The following PBX1 variants were observed in gnomAD, a reference collection of about 807,000 sequenced individuals.
The protein encoded by PBX1 is pre-B-cell leukemia transcription factor 1.
Under a neutral mutation model 53.4 loss-of-function variants are expected in PBX1, and 6 were observed. The observed-to-expected ratio is 0.11, with a 90% confidence interval of 0.06 to 0.22. The LOEUF is 0.22. Ranked by LOEUF, PBX1 falls within the 10% of genes least tolerant of loss-of-function variation. PBX1 has a pLI of 1.00. For synonymous variants in PBX1, 204 were observed against 212.3 expected, an observed-to-expected ratio of 0.96 and a Z score of 0.34; for missense variants, 251 against 551.4, an observed-to-expected ratio of 0.46 and a Z score of 5.46.
chr1:164,591,330 G>A (rs886453498), intron 2 of PBX1, among the ~76,000 whole-genome samples: 4 of 152,176 alleles, frequency 2.6e-5, no homozygotes, highest in Admixed American at 2.6e-4. Context: ...AATATTTCTG[G>A]AAAAGAGTTC....
intron 2 of PBX1, among the ~76,000 whole-genome samples, chr1:164,738,348 A>G (rs553719066): frequency 2.0e-5 from 3 of 152,162 alleles, no homozygotes; most frequent in Admixed American, 6.5e-5. Flanking sequence ...CAGTGATACA[A>G]TCCTCTAGCT....
downstream of PBX1, among the ~76,000 whole-genome samples, chr1:164,853,330 A>G (rs967478904): frequency 6.6e-6 from 1 of 152,178 alleles, no homozygotes; most frequent in Non-Finnish European, 1.5e-5. Flanking sequence ...ACAATTGCAC[A>G]CAGTAACTCT....
intron 2 of PBX1, among the ~76,000 whole-genome samples, chr1:164,688,283 G>A (rs539854095): frequency 1.3e-5 from 2 of 152,174 alleles, no homozygotes; most frequent in Middle Eastern, 3.4e-3. Context: ...TCCTCAGTTC[G>A]GTAAAGTATT....
intron 2 of PBX1, among the ~76,000 whole-genome samples, chr1:164,791,885 C>T (rs1009230842): frequency 5.3e-5 from 8 of 151,942 alleles, no homozygotes; most frequent in Non-Finnish European, 7.4e-5. Context: ...CAATGAGTGG[C>T]GTGATCTCAG....
chr1:164,660,563 A>T (rs1660429169), intron 2 of PBX1, among the ~76,000 whole-genome samples: 1 of 151,868 alleles, frequency 6.6e-6, no homozygotes, highest in African/African-American at 2.4e-5. Flanking sequence ...TTAAAACCAC[A>T]GTCAGTTGTA....
intron 2 of PBX1, among the ~76,000 whole-genome samples, chr1:164,680,961 T>G (rs923645129): frequency 6.6e-6 from 1 of 152,206 alleles, no homozygotes; most frequent in African/African-American, 2.4e-5. Context: ...GCCTGGCATT[T>G]TTAATTTAAA....
chr1:164,636,379 C>T (rs941825182), intron 2 of PBX1, among the ~76,000 whole-genome samples: 4 of 152,144 alleles, frequency 2.6e-5, no homozygotes, highest in Non-Finnish European at 4.4e-5. Context: ...TGCATGAGCC[C>T]AGCTTGTTTG....
intron 2 of PBX1, among the ~76,000 whole-genome samples, chr1:164,768,658 A>G (rs1013157466): frequency 3.9e-5 from 6 of 152,190 alleles, no homozygotes; most frequent in African/African-American, 1.2e-4. Context: ...ACAATAATTG[A>G]CAGAGAAGCA....
chr1:164,797,062 T>C (rs922164316), intron 3 of PBX1, among the ~76,000 whole-genome samples: 4 of 152,228 alleles, frequency 2.6e-5, no homozygotes, highest in African/African-American at 9.6e-5. Flanking sequence ...CTCTGTTGTG[T>C]GTTCCTCAGC....
intron 2 of PBX1, among the ~76,000 whole-genome samples, chr1:164,588,679 G>T (rs921570046): frequency 6.6e-6 from 1 of 151,438 alleles, no homozygotes; most frequent in African/African-American, 2.4e-5. Context: ...TTGGTTTAGG[G>T]GGAAAAAAAA....
chr1:164,760,763 A>G (rs544403547), intron 2 of PBX1, among the ~76,000 whole-genome samples: 1 of 152,296 alleles, frequency 6.6e-6, no homozygotes, highest in Admixed American at 6.5e-5. Context: ...GTTCAATTAT[A>G]AATGAAAGTA....
At chr1:164,563,208 C>T (rs1653188732) in intron 1 of PBX1, 30 bp from the exon 2 acceptor site, 2 of 1,538,608 alleles carry the variant, frequency 1.3e-6, no homozygotes, top group Non-Finnish European at 9.0e-7. Flanking sequence ...GAGAGTCCAC[C>T]TAAGCTATCA....
chr1:164,685,045 T>G (rs1662020169), intron 2 of PBX1: 1 of 152,186 alleles, frequency 6.6e-6, no homozygotes, highest in Middle Eastern at 3.2e-3. Context: ...AATTACTGAT[T>G]GGGAAAGTAA....
intron 4 of PBX1, among the ~76,000 whole-genome samples, chr1:164,803,972 T>A (rs886912123): frequency 1.5e-4 from 23 of 152,198 alleles, no homozygotes; most frequent in African/African-American, 4.1e-4. Context: ...AATATTCACA[T>A]CATAATTCAG....
At position 164,805,406 on chromosome 1, in the gene PBX1, C is replaced by T. The variant is rs143576952; in HGVS notation, c.702-2136C>T. On this transcript the variant is annotated intron_variant, in intron 4 of 8. Transcript: ENST00000420696. ...GACAGCTACTAAAAGAAGTGATAAG[C>T]GAGTCCATCAGAGTAGGTGAGACCA... 3.2e-3 allele frequency among the ~76,000 whole-genome samples: 483 copies of T among 152,196 alleles called. 3 individuals carry two copies. The highest frequency in any genetic ancestry group is 0.011 in the African/African-American group (461 of 41,502).
At chr1:164,597,307 T>G in intron 2 of PBX1, among the ~76,000 whole-genome samples, 1 of 152,216 alleles carries the variant, frequency 6.6e-6, no homozygotes, top group East Asian at 1.9e-4. Flanking sequence ...CTGTCTTTTG[T>G]GGAAGGAACA....
At chr1:164,770,820 A>G (rs892956298) in intron 2 of PBX1, 1 of 152,216 alleles carries the variant, frequency 6.6e-6, no homozygotes, top group African/African-American at 2.4e-5. Flanking sequence ...GAGGGTGAAG[A>G]CAGCCGTGAC....
chr1:164,633,802 T>C (rs530987630), intron 2 of PBX1, among the ~76,000 whole-genome samples: 7 of 152,240 alleles, frequency 4.6e-5, no homozygotes, highest in Non-Finnish European at 8.8e-5. Flanking sequence ...ATAATAGTAG[T>C]ATCTACTTCA....
intron 2 of PBX1, among the ~76,000 whole-genome samples, chr1:164,648,848 G>C (rs971121670): frequency 6.6e-6 from 1 of 152,208 alleles, no homozygotes; most frequent in Non-Finnish European, 1.5e-5. Flanking sequence ...CAGAGCAGGG[G>C]CCTCTAGCCC....
Sources: gnomAD v4.1 joint callset for allele counts (sites outside exome capture counted in the v4.1 genomes callset) on GRCh38, gnomAD v4.1.1 for gene constraint, MANE v1.5 for transcripts, NCBI Gene and HGNC (gene_info 2026-07-23, HGNC 2026-07-21) for gene names.